Variants in CNOT10 observed in about 807,000 individuals in gnomAD.
CNOT10 encodes CCR4-NOT transcription complex, subunit 10.
Under a neutral mutation model 94.6 loss-of-function variants are expected in CNOT10, and 30 were observed. The ratio of observed to expected loss-of-function variants is 0.32; its 90% CI spans 0.24 to 0.43. The LOEUF (loss-of-function observed/expected upper bound fraction) is 0.43, where lower values mean the gene tolerates loss of function less well. Among genes scored for constraint, CNOT10 ranks in the 20% least tolerant of loss-of-function variants. The pLI is 1.00. For synonymous variants in CNOT10, 289 were observed against 301.6 expected (o/e 0.96, Z 0.43); for missense variants, 759 against 877.2 (o/e 0.87, Z 1.70).
At chr3:32,695,449 A>G (rs1697005146) in intron 1 of CNOT10, 2 of 856,202 alleles carry the variant, frequency 2.3e-6, no homozygotes, top group Non-Finnish European at 3.4e-6. Flanking sequence ...TTGATATATC[A>G]GTGGAGCTGT....
intron 10 of CNOT10, among the ~76,000 whole-genome samples, chr3:32,728,965 G>A (rs1253922593): frequency 2.6e-5 from 4 of 152,174 alleles, no homozygotes; most frequent in East Asian, 1.9e-4. Flanking sequence ...GCCGGGCGTT[G>A]TGGGCCTGTA....
In CNOT10 at chr3:32,720,126, C is replaced by G; in HGVS notation, c.757C>G (p.Leu253Val). Reference sequence around the variant, plus strand: ...ATTTTCTCTACAGTCCGCACCCTCTCTCTTTCTTAAAAGCAATTTTGAGTA... The same window carrying G: ...ATTTTCTCTACAGTCCGCACCCTCTGTCTTTCTTAAAAGCAATTTTGAGTA... ...MNTAGNSAPSLFLKSNFEYLR... is the reference protein window; with the variant it reads ...MNTAGNSAPSVFLKSNFEYLR... The change falls in exon 8 of 19, where the codon CTC (leucine) becomes GTC (valine). Residue 253 changes from leucine (L) to valine (V), a missense_variant. Leu to Val is a conservative substitution (Grantham distance 32). This residue lies in a region of CNOT10 where 682 missense variants were observed against 799.4 expected (regional missense o/e 0.85). Coordinates refer to ENST00000328834, the MANE Select transcript of CNOT10 (RefSeq NM_015442.3). 1 of 1,521,640 alleles carries G rather than the reference C, an allele frequency of 6.6e-7. No individual in the cohort carries two copies. The highest frequency in any genetic ancestry group is 9.0e-7 in the Non-Finnish European group (1 of 1,114,110). 94.3% of individuals were successfully genotyped at this position (1,521,640 alleles called of 1,614,324 possible). A position where few individuals can be genotyped will look rare whatever the true frequency, so the allele number is the denominator to read the frequency against.
Position 32,759,455 on chromosome 3 carries a change from T to C in CNOT10, c.1596-3T>C, listed in dbSNP as rs1278323602. 2 of 1,608,254 alleles carry C rather than the reference T, an allele frequency of 1.2e-6. No homozygotes were observed. Among genetic ancestry groups the C allele is most frequent in the Non-Finnish European group, 1.7e-6 (2 of 1,175,366 alleles). On this transcript the variant is annotated splice_polypyrimidine_tract_variant and splice_region_variant and intron_variant, in intron 13 of 18. Transcript: ENST00000328834. Reference sequence around the variant, plus strand: ...TTTCGGCCCCTTCCCTTTTGTGTTATAGGTGCTCCATACTTGCTTGCAGTG... The same window carrying C: ...TTTCGGCCCCTTCCCTTTTGTGTTACAGGTGCTCCATACTTGCTTGCAGTG...
intron 17 of CNOT10, among the ~76,000 whole-genome samples, chr3:32,768,362 A>T (rs1055887340): frequency 3.3e-5 from 5 of 152,148 alleles, no homozygotes; most frequent in African/African-American, 1.2e-4. Context: ...CGGGTGGATC[A>T]TCTGAGGTGA....
At chr3:32,768,945 C>T (rs1287921159) in intron 17 of CNOT10, 1 of 152,230 alleles carries the variant, frequency 6.6e-6, no homozygotes, top group Non-Finnish European at 1.5e-5. Flanking sequence ...CCTCCCTTAC[C>T]CCAAAGCTCT....
chr3:32,697,762 A>G (rs928303389), intron 1 of CNOT10, among the ~76,000 whole-genome samples: 1 of 152,248 alleles, frequency 6.6e-6, no homozygotes, highest in Non-Finnish European at 1.5e-5. Flanking sequence ...GGTGTGAGCC[A>G]CTGCCCAGCC....
chr3:32,763,964 C>T (rs1172603653), intron 15 of CNOT10, among the ~76,000 whole-genome samples: 1 of 152,084 alleles, frequency 6.6e-6, no homozygotes, highest in African/African-American at 2.4e-5. Flanking sequence ...AACCCTGTCT[C>T]TACTAAAAAT....
intron 10 of CNOT10, among the ~76,000 whole-genome samples, chr3:32,731,283 A>G (rs922824552): frequency 1.3e-5 from 2 of 152,202 alleles, no homozygotes; most frequent in Non-Finnish European, 2.9e-5. Flanking sequence ...TGCAACTATA[A>G]TAAGTTACAT....
chr3:32,749,405 A>AT (rs61077906), intron 13 of CNOT10, among the ~76,000 whole-genome samples: 10,167 of 96,194 alleles, frequency 0.11, 592 homozygotes, highest in Middle Eastern at 0.21. Context: ...TGTTGAGTTA[A>AT]TTTTTTTTTT....
rs370108890 is a variant in CNOT10, at chr3:32,734,957, G to A, written c.1495G>A (p.Glu499Lys). Residue 499 changes from glutamate (E) to lysine (K), a missense_variant, in exon 12 of 19, where the codon GAA becomes AAA. Around this residue, in one of 3 missense-constraint regions of CNOT10, gnomAD observed 682 missense variants for 799.4 expected, o/e 0.85. Coordinates refer to ENST00000328834, the MANE Select transcript of CNOT10 (RefSeq NM_015442.3). ...NQLGGNTESS[E>K]SSETCSSKSH... ...ATTAGGTGGGAACACAGAGAGCAGCGAAAGCAGTGAAACTTGCAGGTATTC... is the reference window on the plus strand; with the variant it reads ...ATTAGGTGGGAACACAGAGAGCAGCAAAAGCAGTGAAACTTGCAGGTATTC... 1.9e-6 allele frequency: 3 copies of A among 1,613,520 alleles called. No homozygotes were observed. The highest frequency in any genetic ancestry group is 1.1e-5 in the South Asian group (1 of 91,026).
intron 13 of CNOT10, among the ~76,000 whole-genome samples, chr3:32,738,465 CTT>C (rs367907658): frequency 1.6e-4 from 23 of 141,682 alleles, no homozygotes; most frequent in Non-Finnish European, 1.7e-4. Context: ...TTTTATATTT[CTT>C]TTTTTTTTTT....
intron 1 of CNOT10, chr3:32,695,968 A>AGT (rs764702440): frequency 0.044 from 18,797 of 429,370 alleles, 427 homozygotes; most frequent in East Asian, 0.097. Flanking sequence ...TGTTGAAGAG[A>AGT]GTGTGTGTGT....
chr3:32,769,655 G>A (rs755432075), intron 17 of CNOT10: 15 of 464,084 alleles, frequency 3.2e-5, no homozygotes, highest in Admixed American at 6.7e-5. Context: ...CTGTAGTATC[G>A]GGGTGTCCAG....
chr3:32,692,655 T>C (rs1042365527), intron 1 of CNOT10, among the ~76,000 whole-genome samples: 10 of 152,228 alleles, frequency 6.6e-5, no homozygotes, highest in African/African-American at 2.4e-4. Flanking sequence ...TTGTTGATTC[T>C]TTCCTCAATC....
intron 13 of CNOT10, among the ~76,000 whole-genome samples, chr3:32,738,694 C>T (rs1699307217): frequency 1.3e-5 from 2 of 151,918 alleles, no homozygotes; most frequent in East Asian, 1.9e-4. Context: ...GATCTCCTGA[C>T]GTCGTGATCC....
chr3:32,738,897 CTA>C (rs1699320338), intron 13 of CNOT10, among the ~76,000 whole-genome samples: 1 of 149,066 alleles, frequency 6.7e-6, no homozygotes, highest in South Asian at 2.1e-4. Context: ...AGTTATACCT[CTA>C]TTTTCTTTCT....
rs544522640 is a variant in CNOT10, at chr3:32,771,338, C to T, written c.2080+1376C>T. Among the ~76,000 whole-genome samples the T allele has an allele frequency of 1.4e-4, 21 of 150,752 alleles. No individual in the cohort carries two copies. The South Asian group carries it at 3.8e-3, about 27-fold the overall frequency. On this transcript the variant is annotated intron_variant, in intron 18 of 18. Coordinates refer to ENST00000328834, the MANE Select transcript of CNOT10 (RefSeq NM_015442.3). ...ATAATAGGCCGGGCACAGTGGCTCA[C>T]GCCTATAATCCCAGCACTTTGGGAG...
At chr3:32,760,632 AAAAAAT>A (rs1448335880) in intron 14 of CNOT10, among the ~76,000 whole-genome samples, 2 of 152,136 alleles carry the variant, frequency 1.3e-5, no homozygotes, top group Non-Finnish European at 2.9e-5. Flanking sequence ...ACTCCCTCTC[AAAAAAT>A]AAAAATAAAA....
In CNOT10 at chr3:32,741,135, G is replaced by T. The variant is rs1412573289; in HGVS notation, c.1595+3645G>T. Among the ~76,000 whole-genome samples the T allele has an allele frequency of 2.6e-5, 4 of 151,974 alleles. No individual in the cohort carries two copies. The East Asian group carries it at 7.7e-4, about 29-fold the overall frequency. Reference sequence around the variant, plus strand: ...ATCTCTTTTTAATTTCTATAATTTTGTCTTTCAAAAATGTTATATAAATGG... The same window carrying T: ...ATCTCTTTTTAATTTCTATAATTTTTTCTTTCAAAAATGTTATATAAATGG... On this transcript the variant is annotated intron_variant, in intron 13 of 18. Coordinates refer to ENST00000328834, the MANE Select transcript of CNOT10 (RefSeq NM_015442.3).
Sources: gnomAD v4.1 joint callset for allele counts (sites outside exome capture counted in the v4.1 genomes callset) on GRCh38, gnomAD v4.1.1 for gene constraint, gnomAD v4.1.1 regional missense constraint, MANE v1.5 for transcripts, NCBI Gene and HGNC (gene_info 2026-07-23, HGNC 2026-07-21) for gene names.